Variants in MFHAS1 observed in about 807,000 individuals in gnomAD.
MFHAS1 encodes multifunctional ROCO family signaling regulator 1.
A neutral mutation model predicts 70.4 loss-of-function variants in MFHAS1; 50 were observed. The observed-to-expected ratio is 0.71, with a 90% CI of 0.57 to 0.90. The LOEUF is 0.90. MFHAS1 is among the 40% of genes least tolerant of loss of function. MFHAS1 has a pLI of 0.00. For synonymous variants in MFHAS1, 952 were observed against 620.0 expected (o/e 1.54, Z -7.96); for missense variants, 1,795 against 1,347.6 (o/e 1.33, Z -5.20).
chr8:8,891,721 G>A lies in MFHAS1; in HGVS notation c.1338C>T (p.Cys446=), dbSNP rs748672456. Residue 446 remains cysteine (C), a synonymous_variant, in exon 1 of 3, where the codon TGC becomes TGT. Coordinates refer to ENST00000276282, the MANE Select transcript of MFHAS1 (RefSeq NM_004225.3). This position sits in a 1 kb window ranked among gnomAD's most constrained non-coding sequence, Gnocchi z 5.4. Reference sequence around the variant, plus strand: ...TCACAGGGGGAGGTGACGGTGGGTAGCACTTCTCCTTGTCCCCTCCTCCTG... The same window carrying A: ...TCACAGGGGGAGGTGACGGTGGGTAACACTTCTCCTTGTCCCCTCCTCCTG... The part of the protein sequence containing the change: ...GCPGGGDKEK[C]YPPSPPPVSK... 2.5e-6 allele frequency: 4 copies of A among 1,613,284 alleles called. No homozygotes were observed. The highest frequency in any genetic ancestry group is 4.5e-5 in the East Asian group (2 of 44,886).
intron 1 of MFHAS1, among the ~76,000 whole-genome samples, chr8:8,841,701 G>A (rs1432046447): frequency 2.0e-5 from 3 of 152,076 alleles, no homozygotes; most frequent in South Asian, 2.1e-4. Flanking sequence ...GGAATAAGAA[G>A]CCAGCCCCTG....
At position 8,891,602 on chromosome 8, in the gene MFHAS1, A is replaced by G; in HGVS notation, c.1457T>C (p.Val486Ala). Residue 486 changes from valine (V) to alanine (A), a missense_variant, in exon 1 of 3, where the codon GTG becomes GCG. Transcript: ENST00000276282. This position sits in a 1 kb window ranked among gnomAD's most constrained non-coding sequence, Gnocchi z 5.4. ...TGGGGACAGGAAGAAGGGCTGGATC[A>G]CCTCATAACTTTCATCCCCAGCTAA... is the stretch of plus-strand genomic sequence containing the variant. ...YDLAGDESYE[V>A]IQPFFLSPGA... 1.9e-6 allele frequency: 3 copies of G among 1,613,404 alleles called. 1 individual carries two copies. The Admixed American group carries it at 5.0e-5, about 27-fold the overall frequency.
intron 1 of MFHAS1, among the ~76,000 whole-genome samples, chr8:8,864,968 A>G (rs1449326878): frequency 6.6e-6 from 1 of 152,156 alleles, no homozygotes; most frequent in Non-Finnish European, 1.5e-5. Context: ...CACCTAGATT[A>G]AAAAACAAAC....
At chr8:8,836,643 G>T (rs1470856537) in intron 1 of MFHAS1, among the ~76,000 whole-genome samples, 1 of 152,186 alleles carries the variant, frequency 6.6e-6, no homozygotes, top group Non-Finnish European at 1.5e-5. Context: ...CTCCCAAAGT[G>T]TTGAGATTAA....
chr8:8,799,230 T>C (rs1806005785), intron 1 of MFHAS1, among the ~76,000 whole-genome samples: 1 of 152,148 alleles, frequency 6.6e-6, no homozygotes, highest in Non-Finnish European at 1.5e-5. Flanking sequence ...GTTTAATTTA[T>C]AAATTAGGCA....
At chr8:8,796,095 CA>C (rs1056466859) in intron 2 of MFHAS1, among the ~76,000 whole-genome samples, 1 of 152,078 alleles carries the variant, frequency 6.6e-6, no homozygotes, top group African/African-American at 2.4e-5. Flanking sequence ...ACAAACAAAA[CA>C]AAACGAAAAA....
intron 2 of MFHAS1, among the ~76,000 whole-genome samples, chr8:8,794,884 CG>C (rs753669964): frequency 2.0e-4 from 31 of 152,048 alleles, no homozygotes; most frequent in Non-Finnish European, 3.7e-4. Flanking sequence ...AGGTTCAATA[CG>C]CTGTCGAGAG....
chr8:8,845,492 G>A (rs536582816), intron 1 of MFHAS1, among the ~76,000 whole-genome samples: 3 of 152,306 alleles, frequency 2.0e-5, no homozygotes, highest in Admixed American at 1.3e-4. Context: ...GAGGCTGCCG[G>A]AAACAGGTTC....
chr8:8,850,363 G>GA (rs11415664), intron 1 of MFHAS1, among the ~76,000 whole-genome samples: 2,371 of 152,252 alleles, frequency 0.016, 57 homozygotes, highest in African/African-American at 0.054. Context: ...TACCCAATCT[G>GA]AAAAAACTTC....
intron 1 of MFHAS1, among the ~76,000 whole-genome samples, chr8:8,842,182 ATTTTC>A (rs1330309864): frequency 2.0e-5 from 3 of 150,932 alleles, no homozygotes; most frequent in African/African-American, 4.9e-5. Context: ...CACAGGTCTG[ATTTTC>A]TTTTCTTTTT....
intron 2 of MFHAS1, among the ~76,000 whole-genome samples, chr8:8,787,239 C>T (rs987017577): frequency 6.6e-6 from 1 of 152,100 alleles, no homozygotes; most frequent in African/African-American, 2.4e-5. Context: ...CGCCACCACA[C>T]GCGGCTAATT....
At chr8:8,865,651 A>T (rs1351300116) in intron 1 of MFHAS1, among the ~76,000 whole-genome samples, 1 of 152,226 alleles carries the variant, frequency 6.6e-6, no homozygotes, top group African/African-American at 2.4e-5. Context: ...TCAACTGTCA[A>T]ATCCTAGTCT....
intron 1 of MFHAS1, among the ~76,000 whole-genome samples, chr8:8,850,253 A>C (rs1283854021): frequency 6.6e-6 from 1 of 152,248 alleles, no homozygotes. Flanking sequence ...GTTAACAGTT[A>C]AAGTTCTCTT....
At chr8:8,811,402 A>G (rs185799977) in intron 1 of MFHAS1, among the ~76,000 whole-genome samples, 3 of 152,074 alleles carry the variant, frequency 2.0e-5, no homozygotes, top group Non-Finnish European at 2.9e-5. Flanking sequence ...CAGCATCCCA[A>G]GTAAATGGGA....
chr8:8,872,445 G>A (rs771556528), intron 1 of MFHAS1, among the ~76,000 whole-genome samples: 2 of 152,158 alleles, frequency 1.3e-5, no homozygotes, highest in Non-Finnish European at 2.9e-5. Flanking sequence ...ACCTGGGGCC[G>A]GATGCATGGC....
chr8:8,835,528 T>C (rs1807566957), intron 1 of MFHAS1, among the ~76,000 whole-genome samples: 1 of 152,204 alleles, frequency 6.6e-6, no homozygotes, highest in Non-Finnish European at 1.5e-5. Flanking sequence ...AAGATGTTTC[T>C]ACAAGGAAAT....
At chr8:8,888,640 C>G (rs1293392152) in intron 1 of MFHAS1, among the ~76,000 whole-genome samples, 1 of 152,086 alleles carries the variant, frequency 6.6e-6, no homozygotes, top group African/African-American at 2.4e-5. Context: ...AGAAAAAAAT[C>G]CCATATAAGT....
chr8:8,801,505 C>G (rs1305400335), intron 1 of MFHAS1, among the ~76,000 whole-genome samples: 2 of 152,194 alleles, frequency 1.3e-5, no homozygotes, highest in African/African-American at 4.8e-5. Flanking sequence ...TACGCGGTGC[C>G]AGTATCCTCA....
intron 1 of MFHAS1, among the ~76,000 whole-genome samples, chr8:8,842,846 C>T (rs560696257): frequency 3.9e-5 from 6 of 152,334 alleles, no homozygotes; most frequent in African/African-American, 9.6e-5. Flanking sequence ...GGACACAGGA[C>T]GGATGCTCAT....
Sources: allele counts gnomAD v4.1 joint callset (sites outside exome capture counted in the v4.1 genomes callset), GRCh38; gene constraint gnomAD v4.1.1; non-coding constraint Gnocchi (gnomAD v3.1); transcripts MANE v1.5; gene names NCBI Gene and HGNC (gene_info 2026-07-23, HGNC 2026-07-21).